Variants in COQ2 observed in about 807,000 individuals in gnomAD.
COQ2 encodes coenzyme Q2, polyprenyltransferase, also known as 4-hydroxybenzoate polyprenyltransferase, mitochondrial.
Under a neutral mutation model 35.7 loss-of-function variants are expected in COQ2, and 25 were observed. That is an observed-to-expected ratio of 0.70 (90% CI 0.51 to 0.98). The LOEUF (loss-of-function observed/expected upper bound fraction) is 0.98. COQ2 is among the 50% of genes least tolerant of loss of function. The pLI is 0.00. For missense variants in COQ2, 488 were observed against 473.5 expected, an observed-to-expected ratio of 1.03 and a Z score of -0.28; for synonymous variants, 206 against 186.2, an observed-to-expected ratio of 1.11 and a Z score of -0.86.
At chr4:83,284,379 C>A in intron 1 of COQ2, 133 bp downstream of exon 1, 1 of 1,409,790 alleles carries the variant, frequency 7.1e-7, no homozygotes, top group Non-Finnish European at 9.2e-7. Context: ...GCGCACGGCA[C>A]CCGGCAGCCA....
chr4:83,277,492 C>T (rs1220860838), intron 2 of COQ2, among the ~76,000 whole-genome samples: 6 of 152,182 alleles, frequency 3.9e-5, no homozygotes, highest in African/African-American at 7.2e-5. Context: ...CTAACCCTCT[C>T]CCTTAGGTTG....
At chr4:83,282,498 C>T (rs919709722) in intron 1 of COQ2, 14 of 275,610 alleles carry the variant, frequency 5.1e-5, no homozygotes, top group Non-Finnish European at 7.2e-5. Context: ...TAACATAGTA[C>T]TATTTAGTTT....
intron 2 of COQ2, among the ~76,000 whole-genome samples, chr4:83,278,014 ACACACACACG>A (rs1207116567): frequency 7.7e-6 from 1 of 130,664 alleles, no homozygotes; most frequent in African/African-American, 2.9e-5. Flanking sequence ...ACACACACAC[ACACACACACG>A]TAACACTATT....
At chr4:83,268,103 T>C (rs1734966592) in intron 5 of COQ2, among the ~76,000 whole-genome samples, 2 of 152,216 alleles carry the variant, frequency 1.3e-5, no homozygotes, top group South Asian at 4.1e-4. Context: ...CTTAACCATA[T>C]TTTTAGTGTT....
chr4:83,276,779 C>T (rs971954562), intron 2 of COQ2, among the ~76,000 whole-genome samples: 1 of 152,072 alleles, frequency 6.6e-6, no homozygotes, highest in Non-Finnish European at 1.5e-5. Context: ...ATAGCAAAGT[C>T]GTGGAATCAA....
At chr4:83,283,308 T>G (rs779393057) in intron 1 of COQ2, 22 of 985,306 alleles carry the variant, frequency 2.2e-5, no homozygotes, top group Non-Finnish European at 2.7e-5. Flanking sequence ...TCATCTAGAT[T>G]GGCTGGAGTT....
chr4:83,264,445 G>A, intron 6 of COQ2, 82 bp from the exon 7 acceptor site: 2 of 1,461,444 alleles, frequency 1.4e-6, no homozygotes, highest in Non-Finnish European at 1.8e-6. Context: ...ACACGGAGGA[G>A]AAAACAGCAA....
intron 4 of COQ2, among the ~76,000 whole-genome samples, chr4:83,270,400 G>A (rs1289017366): frequency 6.6e-6 from 1 of 152,010 alleles, no homozygotes; most frequent in Non-Finnish European, 1.5e-5. Context: ...TCCCCTATCA[G>A]CTACTGAAAC....
intron 5 of COQ2, among the ~76,000 whole-genome samples, chr4:83,269,081 T>A (rs2126172125): frequency 6.6e-6 from 1 of 152,280 alleles, no homozygotes; most frequent in East Asian, 1.9e-4. Flanking sequence ...TATCAAAAGC[T>A]ATAAAAATGC....
rs533074820 is a variant in COQ2, at chr4:83,275,859, A to C, written c.421-2242T>G. ...ACCCATGCTTCATAAACTGTTACTA[A>C]TTTATGGGACTATTTTTCATTTTCT... is the stretch of plus-strand genomic sequence containing the variant. On this transcript the variant is annotated intron_variant, in intron 2 of 6. Transcript: ENST00000647002. Among the ~76,000 whole-genome samples, 4 of 151,884 alleles carry C rather than the reference A, an allele frequency of 2.6e-5. No individual in the cohort carries two copies. In the South Asian group the frequency reaches 6.2e-4, roughly 24 times the overall value.
intron 1 of COQ2, chr4:83,284,204 T>C (rs1242734330): frequency 2.0e-6 from 2 of 985,342 alleles, no homozygotes; most frequent in African/African-American, 1.7e-5. Context: ...TCTTGCCCGC[T>C]TCAGGTGCTC....
rs772165747 is a variant in COQ2 at position 83,264,382 on chromosome 4, A to G, written c.952-19T>C. 3 of 1,582,754 alleles carry G rather than the reference A, an allele frequency of 1.9e-6. No homozygotes were observed. The East Asian group carries it at 6.9e-5, about 37-fold the overall frequency. ...TGTAAATCTGCAAGAGAGGAATACA[A>G]AGTTGTATTAATACCTAGTCTGGAC... On this transcript the variant is annotated intron_variant, in intron 6 of 6. Transcript: ENST00000647002.
chr4:83,282,603 A>C, intron 1 of COQ2: 1 of 868,222 alleles, frequency 1.2e-6, no homozygotes, highest in Non-Finnish European at 1.4e-6. Flanking sequence ...AATTTTCTCC[A>C]TTCCCCACTT....
intron 1 of COQ2, among the ~76,000 whole-genome samples, chr4:83,280,663 C>T (rs1227568381): frequency 6.6e-6 from 1 of 152,218 alleles, no homozygotes; most frequent in Non-Finnish European, 1.5e-5. Flanking sequence ...ACAAAACTAT[C>T]TAAGTTAGTT....
At chr4:83,281,285 T>C (rs932172053) in intron 1 of COQ2, 1 of 152,214 alleles carries the variant, frequency 6.6e-6, no homozygotes, top group African/African-American at 2.4e-5. Context: ...TTCACAGCTA[T>C]TATTTCCTGG....
intron 6 of COQ2, among the ~76,000 whole-genome samples, chr4:83,265,536 C>A (rs1734897614): frequency 6.6e-6 from 1 of 152,090 alleles, no homozygotes; most frequent in East Asian, 1.9e-4. Flanking sequence ...GATCGTGCCA[C>A]TTCACTCCAG....
chr4:83,267,821 A>C (rs1268670575), intron 5 of COQ2, 47 bp from the exon 6 acceptor site: 1 of 1,444,244 alleles, frequency 6.9e-7, no homozygotes, highest in South Asian at 1.3e-5. Context: ...TTTAGTTCAC[A>C]CACCATAAAA....
At chr4:83,274,221 CCA>C (rs1735114378) in intron 2 of COQ2, among the ~76,000 whole-genome samples, 1 of 152,060 alleles carries the variant, frequency 6.6e-6, no homozygotes, top group African/African-American at 2.4e-5. Flanking sequence ...TGTTCAATTT[CCA>C]CAGAGAAAGC....
At chr4:83,283,424 ATT>A in intron 1 of COQ2, 1 of 985,376 alleles carries the variant, frequency 1.0e-6, no homozygotes, top group Non-Finnish European at 1.2e-6. Flanking sequence ...TCAGGCTCGT[ATT>A]CTTAGTGTTC....
Sources: allele counts gnomAD v4.1 joint callset (sites outside exome capture counted in the v4.1 genomes callset), GRCh38; gene constraint gnomAD v4.1.1; transcripts MANE v1.5; gene names NCBI Gene and HGNC (gene_info 2026-07-23, HGNC 2026-07-21).